The following MAP3K4 variants were observed in gnomAD, a reference collection of about 807,000 sequenced individuals.
MAP3K4 encodes the protein MAP three kinase 1.
Under a neutral mutation model 185.6 loss-of-function variants are expected in MAP3K4, and 67 were observed. The observed-to-expected ratio is 0.36, with a 90% confidence interval of 0.30 to 0.44. MAP3K4 has a LOEUF of 0.44. Ranked by LOEUF, MAP3K4 falls within the 20% of genes least tolerant of loss-of-function variation. MAP3K4 has a pLI of 1.00. For missense variants in MAP3K4, 1,551 were observed against 1,995.1 expected (o/e 0.78, Z 4.24); for synonymous variants, 702 against 710.4 (o/e 0.99, Z 0.19).
rs770076825 is a variant in MAP3K4, at chr6:161,098,424, C to A, written c.3671C>A (p.Thr1224Asn). Residue 1224 changes from threonine (T) to asparagine (N), a missense_variant, in exon 17 of 27, where the codon ACC becomes AAC. Transcript: ENST00000392142. The surrounding 1 kb of genome is among the most constrained non-coding windows in gnomAD (Gnocchi z 4.4). ...AAATCCATCAGCAGTGCCCATGATA[C>A]CAGGTAGTCTCACCCCACCAGTGTC... is the stretch of plus-strand genomic sequence containing the variant. ...LPKSISSAHDTRGSSVPENDR... is the reference protein window; with the variant it reads ...LPKSISSAHDNRGSSVPENDR... 4.3e-6 allele frequency: 7 copies of A among 1,612,566 alleles called. No homozygotes were observed. The highest frequency in any genetic ancestry group is 5.9e-6 in the Non-Finnish European group (7 of 1,179,106).
rs185831050 is a variant in MAP3K4 at position 161,116,502 on chromosome 6, G to A, written c.4807-348G>A. 2.7e-3 allele frequency among the ~76,000 whole-genome samples: 412 copies of A among 152,212 alleles called. 1 individual carries two copies. Among genetic ancestry groups the A allele is most frequent in the Non-Finnish European group, 4.6e-3 (316 of 68,010 alleles). Reference sequence around the variant, plus strand: ...GGGTGATGCTCTTATTGGTAAGTGGGAGTAAGGGGCAAGCAGCAGGATCAG... The same window carrying A: ...GGGTGATGCTCTTATTGGTAAGTGGAAGTAAGGGGCAAGCAGCAGGATCAG... On this transcript the variant is annotated intron_variant, in intron 26 of 26. Coordinates refer to ENST00000392142, the MANE Select transcript of MAP3K4 (RefSeq NM_005922.4). This position sits in a 1 kb window ranked among gnomAD's most constrained non-coding sequence, Gnocchi z 6.2.
chr6:161,048,127 A>G lies in MAP3K4; in HGVS notation c.344-489A>G, dbSNP rs1463641721. 2 of 427,046 alleles carry G rather than the reference A, an allele frequency of 4.7e-6. No homozygotes were observed. The highest frequency in any genetic ancestry group is 4.2e-5 in the African/African-American group (2 of 47,912). The allele number at this position is 427,046 out of a possible 1,614,324, so 26.5% of individuals were successfully genotyped here. A position where few individuals can be genotyped will look rare whatever the true frequency, so the allele number is the denominator to read the frequency against. On this transcript the variant is annotated intron_variant, in intron 2 of 26. Transcript: ENST00000392142. This position sits in a 1 kb window ranked among gnomAD's most constrained non-coding sequence, Gnocchi z 4.7. Reference sequence around the variant, plus strand: ...CTTAGGGTGCCTTAAGTATTCTTGCATCAATGTGCCTAATTTTATCAATGA... The same window carrying G: ...CTTAGGGTGCCTTAAGTATTCTTGCGTCAATGTGCCTAATTTTATCAATGA...
Position 161,098,482 on chromosome 6 carries a change from A to G in MAP3K4, c.3674+55A>G, listed in dbSNP as rs1777680005. ...CTCACCACCCCTTACATGCGCTTAC[A>G]CAGCAACCATAGTGTTAGGGTGTGT... On this transcript the variant is annotated intron_variant, in intron 17 of 26. Transcript: ENST00000392142. The surrounding 1 kb of genome is among the most constrained non-coding windows in gnomAD (Gnocchi z 4.4). 1 of 1,560,974 alleles carries G rather than the reference A, an allele frequency of 6.4e-7. No individual in the cohort carries two copies.
intron 19 of MAP3K4, among the ~76,000 whole-genome samples, chr6:161,105,411 A>G (rs192052491): frequency 7.7e-4 from 118 of 152,322 alleles, no homozygotes; most frequent in Non-Finnish European, 1.2e-3. Context: ...TTTATTTTAC[A>G]GATTAGGTTT....
At position 161,097,267 on chromosome 6, in the gene MAP3K4, A is replaced by G. The variant is rs1210355237; in HGVS notation, c.3524+91A>G. 9.6e-7 allele frequency: 1 copy of G among 1,041,804 alleles called. No homozygotes were observed. Among genetic ancestry groups the G allele is most frequent in the East Asian group, 2.4e-5 (1 of 41,512 alleles). The allele number at this position is 1,041,804 out of a possible 1,614,324, so 64.5% of individuals were successfully genotyped here. A position where few individuals can be genotyped will look rare whatever the true frequency, so the allele number is the denominator to read the frequency against. ...GAAACTACTAGATGCTTGCTCTGAG[A>G]GCTAAATACCTTTTCTGCATTGTTC... On this transcript the variant is annotated intron_variant, in intron 16 of 26. Transcript: ENST00000392142. The surrounding 1 kb of genome is among the most constrained non-coding windows in gnomAD (Gnocchi z 4.9).
In MAP3K4 at chr6:161,115,362, C is replaced by G; in HGVS notation, c.4806+60C>G. 6.7e-7 allele frequency: 1 copy of G among 1,489,320 alleles called. No homozygotes were observed. 92.3% of individuals were successfully genotyped at this position (1,489,320 alleles called of 1,614,324 possible). A position where few individuals can be genotyped will look rare whatever the true frequency, so the allele number is the denominator to read the frequency against. ...TAAGTGTTTAAGTTCTGTTTTGCATCAAGACGTTAATGAAATTTTGAAACT... is the reference window on the plus strand; with the variant it reads ...TAAGTGTTTAAGTTCTGTTTTGCATGAAGACGTTAATGAAATTTTGAAACT... On this transcript the variant is annotated intron_variant, in intron 26 of 26. Transcript: ENST00000392142. The surrounding 1 kb of genome is among the most constrained non-coding windows in gnomAD (Gnocchi z 6.0).
At chr6:161,024,943 C>G (rs908251236) in intron 1 of MAP3K4, among the ~76,000 whole-genome samples, 1 of 152,126 alleles carries the variant, frequency 6.6e-6, no homozygotes, top group African/African-American at 2.4e-5. Context: ...ATGTACCTGC[C>G]TGTCTGTCAG....
In MAP3K4 at chr6:160,996,572, A is replaced by G. The variant is rs1053122960; in HGVS notation, c.152+4489A>G. Reference sequence around the variant, plus strand: ...CTTGTCATTTGACCAGGTAGTATGTATGCTGTTTGAAGACTCTTTAACGTT... The same window carrying G: ...CTTGTCATTTGACCAGGTAGTATGTGTGCTGTTTGAAGACTCTTTAACGTT... On this transcript the variant is annotated intron_variant, in intron 1 of 26. Coordinates refer to ENST00000392142, the MANE Select transcript of MAP3K4 (RefSeq NM_005922.4). This position sits in a 1 kb window ranked among gnomAD's most constrained non-coding sequence, Gnocchi z 4.5. Among the ~76,000 whole-genome samples the G allele has an allele frequency of 6.6e-6, 1 of 152,168 alleles. No homozygotes were observed. The highest frequency in any genetic ancestry group is 2.4e-5 in the African/African-American group (1 of 41,424).
Position 161,022,519 on chromosome 6 carries a change from C to T in MAP3K4, c.153-11740C>T, listed in dbSNP as rs1283925780. The stretch of plus-strand genomic sequence containing the variant: ...CAGTCCATACTTTCTCCTGGTCTCT[C>T]TCTCATGCTATGCTCTCTCTCCACC... On this transcript the variant is annotated intron_variant, in intron 1 of 26. Coordinates refer to ENST00000392142, the MANE Select transcript of MAP3K4 (RefSeq NM_005922.4). This position sits in a 1 kb window ranked among gnomAD's most constrained non-coding sequence, Gnocchi z 4.2. Among the ~76,000 whole-genome samples the T allele has an allele frequency of 6.6e-6, 1 of 152,212 alleles. No homozygotes were observed. The highest frequency in any genetic ancestry group is 1.5e-5 in the Non-Finnish European group (1 of 68,036).
chr6:161,111,109 A>G (rs1778328292), intron 23 of MAP3K4, among the ~76,000 whole-genome samples: 1 of 152,154 alleles, frequency 6.6e-6, no homozygotes, highest in Admixed American at 6.5e-5. Context: ...CAACTCTAGG[A>G]GCACTGAGTT....
At chr6:161,001,214 C>CA (rs1162650438) in intron 1 of MAP3K4, among the ~76,000 whole-genome samples, 3 of 149,646 alleles carry the variant, frequency 2.0e-5, no homozygotes, top group Non-Finnish European at 3.0e-5. Flanking sequence ...GAAAAATTTA[C>CA]AAAAAATATT....
At chr6:161,050,322 A>G (rs1193692191) in intron 3 of MAP3K4, among the ~76,000 whole-genome samples, 9 of 152,186 alleles carry the variant, frequency 5.9e-5, no homozygotes, top group Admixed American at 2.0e-4. Flanking sequence ...AAAAAAGTCC[A>G]CGTCACACTC....
chr6:161,090,766 A>G (rs1785991211), intron 11 of MAP3K4, among the ~76,000 whole-genome samples: 1 of 96,196 alleles, frequency 1.0e-5, no homozygotes, highest in South Asian at 4.4e-4. Context: ...AGCCTCTTGG[A>G]TGTGGACGTT....
At chr6:160,993,042 C>T (rs943293421) in intron 1 of MAP3K4, among the ~76,000 whole-genome samples, 9 of 152,160 alleles carry the variant, frequency 5.9e-5, no homozygotes, top group African/African-American at 1.9e-4. Context: ...AGTAAAGTGT[C>T]CTCTTTTTCC....
rs984107040 is a variant in MAP3K4 at position 161,098,848 on chromosome 6, A to G, written c.3674+421A>G. Reference sequence around the variant, plus strand: ...TTTGGGAAGATCAGTTTTCTAGCCAAATACTCTATTTTAAATAATTGTTGA... The same window carrying G: ...TTTGGGAAGATCAGTTTTCTAGCCAGATACTCTATTTTAAATAATTGTTGA... On this transcript the variant is annotated intron_variant, in intron 17 of 26. Coordinates refer to ENST00000392142, the MANE Select transcript of MAP3K4 (RefSeq NM_005922.4). This position sits in a 1 kb window ranked among gnomAD's most constrained non-coding sequence, Gnocchi z 4.4. Among the ~76,000 whole-genome samples the G allele has an allele frequency of 6.6e-6, 1 of 152,174 alleles. No individual in the cohort carries two copies. Among genetic ancestry groups the G allele is most frequent in the Admixed American group, 6.5e-5 (1 of 15,280 alleles).
At chr6:161,045,033 C>A (rs969373947) in intron 2 of MAP3K4, among the ~76,000 whole-genome samples, 1 of 152,136 alleles carries the variant, frequency 6.6e-6, no homozygotes, top group Non-Finnish European at 1.5e-5. Context: ...TCACCCTCTC[C>A]TTCTGTCACA....
intron 5 of MAP3K4, among the ~76,000 whole-genome samples, chr6:161,078,537 G>A (rs1323181171): frequency 6.6e-6 from 1 of 152,244 alleles, no homozygotes; most frequent in African/African-American, 2.4e-5. Context: ...TGCAGTGGTA[G>A]TGGTTGAACA....
In MAP3K4 at chr6:161,034,185, TA is replaced by T; in HGVS notation, c.153-68del. 1 of 1,202,846 alleles carries T rather than the reference TA, an allele frequency of 8.3e-7. No homozygotes were observed. The highest frequency in any genetic ancestry group is 1.2e-6 in the Non-Finnish European group (1 of 866,240). The allele number at this position is 1,202,846 out of a possible 1,614,324, so 74.5% of individuals were successfully genotyped here. A position where few individuals can be genotyped will look rare whatever the true frequency, so the allele number is the denominator to read the frequency against. ...TACAAAAGTTTTACAAAGAATTATT[TA>T]AAAAATTATAAGTAAATTTGAATTC... On this transcript the variant is annotated intron_variant, in intron 1 of 26. Coordinates refer to ENST00000392142, the MANE Select transcript of MAP3K4 (RefSeq NM_005922.4). This position sits in a 1 kb window ranked among gnomAD's most constrained non-coding sequence, Gnocchi z 4.4.
Position 161,081,030 on chromosome 6 carries a change from G to C in MAP3K4, c.2247G>C (p.Lys749Asn). ...GGGGAGGAGAAGCACAGGCCGGGAA[G>C]CTTTTCTGGTAGGAATCCTTGTGCT... ...YIRGGEAQAG[K>N]LFCDIAGMLL... The change falls in exon 6 of 27, where the codon AAG becomes AAC. Residue 749 changes from lysine (K) to asparagine (N), a missense_variant. By Grantham distance (94) the Lys-to-Asn change is moderately conservative (BLOSUM62 0). Coordinates refer to ENST00000392142, the MANE Select transcript of MAP3K4 (RefSeq NM_005922.4). The C allele has an allele frequency of 6.2e-7, 1 of 1,613,788 alleles. No individual in the cohort carries two copies. The highest frequency in any genetic ancestry group is 2.2e-5 in the East Asian group (1 of 44,868).
Sources: allele counts gnomAD v4.1 joint callset (sites outside exome capture counted in the v4.1 genomes callset), GRCh38; gene constraint gnomAD v4.1.1; non-coding constraint Gnocchi (gnomAD v3.1); transcripts MANE v1.5; gene names NCBI Gene and HGNC (gene_info 2026-07-23, HGNC 2026-07-21).